GGA2: variants seen among roughly 807,000 people sequenced by gnomAD.
The protein encoded by GGA2 is ADP-ribosylation factor-binding protein GGA2.
GGA2 carries 48 observed loss-of-function variants against 79.5 expected under a neutral mutation model. The observed-to-expected ratio is 0.60, with a 90% CI of 0.48 to 0.77. The LOEUF is 0.77. Ranked by LOEUF, GGA2 falls within the 30% of genes least tolerant of loss-of-function variation. The probability of loss-of-function intolerance (pLI) is 0.00; values close to 1 mark genes in which losing one functional copy is unlikely to be tolerated. For missense variants in GGA2, 770 were observed against 774.0 expected, an observed-to-expected ratio of 0.99 and a Z score of 0.06; for synonymous variants, 317 against 302.0, an observed-to-expected ratio of 1.05 and a Z score of -0.51.
At chr16:23,505,914 A>C (rs1964969476) in intron 1 of GGA2, among the ~76,000 whole-genome samples, 1 of 152,174 alleles carries the variant, frequency 6.6e-6, no homozygotes, top group Non-Finnish European at 1.5e-5. Context: ...CTACTCTGGG[A>C]CTTTCTTTAC....
At chr16:23,503,104 C>A (rs1270045258) in intron 1 of GGA2, among the ~76,000 whole-genome samples, 2 of 152,164 alleles carry the variant, frequency 1.3e-5, no homozygotes, top group African/African-American at 4.8e-5. Flanking sequence ...CTGGGAGTTA[C>A]CTTTCCTTTC....
chr16:23,513,506 G>A (rs888393532), upstream of GGA2, among the ~76,000 whole-genome samples: 5 of 152,008 alleles, frequency 3.3e-5, no homozygotes, highest in African/African-American at 4.8e-5. Context: ...ATTCTCAGTC[G>A]GGCATGGTGG....
chr16:23,523,374 T>C (rs1421025841), upstream of GGA2: 1 of 151,860 alleles, frequency 6.6e-6, no homozygotes, highest in Non-Finnish European at 1.5e-5. Context: ...AGCCACAAAA[T>C]AGGAAGGGTG....
intron 1 of GGA2, among the ~76,000 whole-genome samples, chr16:23,508,119 G>A (rs946703737): frequency 1.3e-5 from 2 of 150,634 alleles, no homozygotes; most frequent in African/African-American, 4.9e-5. Flanking sequence ...CTGGAGTGCA[G>A]CGGTGCAATC....
intron 16 of GGA2, 145 bp from the exon 17 acceptor site, chr16:23,467,845 G>A (rs1964461340): frequency 1.6e-6 from 1 of 642,150 alleles, no homozygotes; most frequent in Non-Finnish European, 2.9e-6. Flanking sequence ...AGGGGAAACA[G>A]GCACATATCC....
At chr16:23,471,919 T>A (rs78723493) in intron 14 of GGA2, among the ~76,000 whole-genome samples, 9,089 of 151,336 alleles carry the variant, frequency 0.06, 933 homozygotes, top group African/African-American at 0.21. Context: ...TAAAAAAATT[T>A]AAAAAAAAAT....
At chr16:23,519,684 G>C (rs1201141361) in intron 1 of GGA2, 3 of 357,018 alleles carry the variant, frequency 8.4e-6, no homozygotes, top group African/African-American at 4.4e-5. Context: ...AGGGGTGAAT[G>C]TTAGAAACTG....
At position 23,466,167 on chromosome 16, in the gene GGA2, A is replaced by G. The variant is rs954759826; in HGVS notation, c.*1423T>C. 1 of 152,176 alleles carries G rather than the reference A, an allele frequency of 6.6e-6. No homozygotes were observed. The highest frequency in any genetic ancestry group is 1.5e-5 in the Non-Finnish European group (1 of 68,038). 9.4% of individuals were successfully genotyped at this position (152,176 alleles called of 1,614,324 possible). A position where few individuals can be genotyped will look rare whatever the true frequency, so the allele number is the denominator to read the frequency against. ...GAAGTCAAAAGATCAGACTGTAAAA[A>G]TATCAGATATTGTAATTAAGAGCTC... On this transcript the variant is annotated 3_prime_UTR_variant, in exon 17 of 17. Coordinates refer to ENST00000309859, the MANE Select transcript of GGA2 (RefSeq NM_015044.4).
rs748912771 is a variant in GGA2 at position 23,469,957 on chromosome 16, C to T, written c.1620+39G>A. On this transcript the variant is annotated intron_variant, in intron 15 of 16. Transcript: ENST00000309859. The stretch of plus-strand genomic sequence containing the variant: ...CAGAAAAGAACCTGGCACTCAAAAA[C>T]GACAGCCATTACTGAGAAATCCCCA... 1.1e-5 allele frequency: 15 copies of T among 1,418,312 alleles called. No individual in the cohort carries two copies. In the South Asian group the frequency reaches 1.5e-4, roughly 14 times the overall value. The allele number at this position is 1,418,312 out of a possible 1,614,324, so 87.9% of individuals were successfully genotyped here. A position where few individuals can be genotyped will look rare whatever the true frequency, so the allele number is the denominator to read the frequency against.
intron 6 of GGA2, 22 bp downstream of exon 6, chr16:23,488,570 GGTCTGATCAGACAC>G: frequency 8.4e-7 from 1 of 1,190,602 alleles, no homozygotes; most frequent in South Asian, 1.2e-5. Context: ...TAAGAGAAAA[GGTCTGATCAGACAC>G]CATGTAGGTC....
upstream of GGA2, chr16:23,522,582 A>G (rs1965156961): frequency 6.6e-6 from 1 of 152,162 alleles, no homozygotes; most frequent in Non-Finnish European, 1.5e-5. Flanking sequence ...TGGATTCTGT[A>G]TTAGAAAGAA....
chr16:23,507,239 T>C (rs928738426), intron 1 of GGA2, among the ~76,000 whole-genome samples: 1 of 152,204 alleles, frequency 6.6e-6, no homozygotes, highest in Non-Finnish European at 1.5e-5. Flanking sequence ...ATATAGGTTC[T>C]AGCCGTTCCT....
At chr16:23,493,629 AATG>A in intron 3 of GGA2, 171 bp from the exon 4 acceptor site, 1 of 595,876 alleles carries the variant, frequency 1.7e-6, no homozygotes, top group Non-Finnish European at 3.0e-6. Flanking sequence ...TCAAGAAAAA[AATG>A]TCCCCTGTTC....
Position 23,482,939 on chromosome 16 carries a change from A to G in GGA2, c.864T>C (p.Asp288=). ...AAAACTTACCGAGTGCATCATCGTC[A>G]TCAGTGGTGTCACTCGCCAACCGGA... is the stretch of plus-strand genomic sequence containing the variant. ...TLFRLASDTT[D]DDDALAEILQ... The change falls in exon 9 of 17, where the codon GAT becomes GAC. Residue 288 remains aspartate, a synonymous_variant. Transcript: ENST00000309859. 1 of 1,607,432 alleles carries G rather than the reference A, an allele frequency of 6.2e-7. No homozygotes were observed. The highest frequency in any genetic ancestry group is 8.5e-7 in the Non-Finnish European group (1 of 1,173,870).
intron 11 of GGA2, chr16:23,479,130 G>A: frequency 1.7e-6 from 1 of 590,856 alleles, no homozygotes; most frequent in Non-Finnish European, 3.1e-6. Context: ...CAGCAGGTAT[G>A]TGCTCCCCAA....
intron 4 of GGA2, among the ~76,000 whole-genome samples, chr16:23,492,956 G>T (rs1043528095): frequency 3.9e-5 from 6 of 152,220 alleles, no homozygotes; most frequent in Admixed American, 2.6e-4. Flanking sequence ...AACAAGGCAG[G>T]GCTCAATGTT....
At position 23,475,871 on chromosome 16, in the gene GGA2, G is replaced by A. The variant is rs980345997; in HGVS notation, c.1293-810C>T. Among the ~76,000 whole-genome samples, 3 of 151,786 alleles carry A rather than the reference G, an allele frequency of 2.0e-5. No individual in the cohort carries two copies. In the East Asian group the frequency reaches 5.8e-4, roughly 29 times the overall value. The stretch of plus-strand genomic sequence containing the variant: ...CTAGAGCCTGGGAGGCGGAGGTTGT[G>A]GTGAGCCGAGATCACACTACTGCAC... On this transcript the variant is annotated intron_variant, in intron 13 of 16. Coordinates refer to ENST00000309859, the MANE Select transcript of GGA2 (RefSeq NM_015044.4).
At chr16:23,480,022 C>T in intron 10 of GGA2, 135 bp from the exon 11 acceptor site, 1 of 770,704 alleles carries the variant, frequency 1.3e-6, no homozygotes, top group South Asian at 1.8e-5. Flanking sequence ...GAACCTTCCA[C>T]TCAGCTGAGT....
rs1190529921 is a variant in GGA2 at position 23,476,083 on chromosome 16, G to GGGA, written c.1293-1023_1293-1022insTCC. Among the ~76,000 whole-genome samples the GGGA allele has an allele frequency of 2.6e-5, 4 of 152,294 alleles. No individual in the cohort carries two copies. In the South Asian group the frequency reaches 8.3e-4, roughly 32 times the overall value. On this transcript the variant is annotated intron_variant, in intron 13 of 16. Coordinates refer to ENST00000309859, the MANE Select transcript of GGA2 (RefSeq NM_015044.4). ...CTCAGTCAGGTTGTTTCCCAGGTGT[G>GGGA]ATCACAAAGGGACTTGAGCCAGGCA...
Sources: gnomAD v4.1 joint callset for allele counts (sites outside exome capture counted in the v4.1 genomes callset) on GRCh38, gnomAD v4.1.1 for gene constraint, MANE v1.5 for transcripts, NCBI Gene and HGNC (gene_info 2026-07-23, HGNC 2026-07-21) for gene names.